SPAG16: variants seen among roughly 807,000 people sequenced by gnomAD.
SPAG16 encodes sperm-associated antigen 16 protein.
In SPAG16, 86 loss-of-function variants were observed where a neutral mutation model predicts 80.4. That is an observed-to-expected ratio of 1.07 (90% CI 0.90 to 1.28). SPAG16 has a LOEUF of 1.28. SPAG16 is among the 50% of genes most tolerant of loss of function. SPAG16 has a pLI of 0.00. For missense variants in SPAG16, 870 were observed against 765.3 expected (o/e 1.14, Z -1.61); for synonymous variants, 294 against 265.9 (o/e 1.11, Z -1.03).
At chr2:213,491,127 G>A (rs1333277625) in intron 10 of SPAG16, among the ~76,000 whole-genome samples, 1 of 152,094 alleles carries the variant, frequency 6.6e-6, no homozygotes, top group African/African-American at 2.4e-5. Context: ...AAAGCAGTAG[G>A]TGAATGAATT....
chr2:213,884,212 A>G (rs1000847737), intron 11 of SPAG16, among the ~76,000 whole-genome samples: 11 of 152,154 alleles, frequency 7.2e-5, no homozygotes, highest in African/African-American at 2.7e-4. Context: ...GTTGAAATGA[A>G]TCCCTCAGAG....
At chr2:213,340,343 G>C (rs2064618785) in intron 6 of SPAG16, 73 bp downstream of exon 6, 6 of 1,081,166 alleles carry the variant, frequency 5.5e-6, no homozygotes, top group Non-Finnish European at 5.4e-6. Context: ...TTATGACAAA[G>C]TTTTAGACAA....
intron 10 of SPAG16, among the ~76,000 whole-genome samples, chr2:213,498,791 A>G (rs924671715): frequency 3.9e-5 from 6 of 152,128 alleles, no homozygotes; most frequent in African/African-American, 1.4e-4. Context: ...TCTTTTTAAC[A>G]TCCTCTTTAC....
chr2:213,885,387 C>T (rs1165645114), intron 11 of SPAG16, among the ~76,000 whole-genome samples: 1 of 152,176 alleles, frequency 6.6e-6, no homozygotes, highest in Non-Finnish European at 1.5e-5. Context: ...AGTTCACCTC[C>T]TCACCAGGTC....
chr2:214,330,700 C>A (rs139383604), intron 15 of SPAG16, among the ~76,000 whole-genome samples: 2 of 152,286 alleles, frequency 1.3e-5, no homozygotes, highest in African/African-American at 4.8e-5. Context: ...AGGAAAGGGA[C>A]AAACTCTTGA....
chr2:214,311,681 A>C (rs1025056837), intron 15 of SPAG16: 22 of 152,212 alleles, frequency 1.4e-4, no homozygotes, highest in African/African-American at 5.3e-4. Flanking sequence ...CACTTTCCTC[A>C]GTTCCACTTG....
chr2:214,223,558 G>T (rs2058633345), intron 15 of SPAG16, among the ~76,000 whole-genome samples: 1 of 151,834 alleles, frequency 6.6e-6, no homozygotes, highest in Non-Finnish European at 1.5e-5. Flanking sequence ...TTAAGAGGTT[G>T]GTATTTAGTA....
intron 12 of SPAG16, among the ~76,000 whole-genome samples, chr2:213,951,715 A>G (rs891065469): frequency 1.3e-5 from 2 of 152,190 alleles, no homozygotes; most frequent in Non-Finnish European, 2.9e-5. Context: ...CATTGAGGAG[A>G]TAAATGGAGC....
intron 10 of SPAG16, among the ~76,000 whole-genome samples, chr2:213,501,375 T>A (rs932605592): frequency 6.6e-6 from 1 of 152,190 alleles, no homozygotes; most frequent in East Asian, 1.9e-4. Flanking sequence ...GATCTAGGAA[T>A]AGAAAGAATT....
At chr2:214,037,877 G>A (rs867925877) in intron 13 of SPAG16, among the ~76,000 whole-genome samples, 2,270 of 102,176 alleles carry the variant, frequency 0.022, 25 homozygotes, top group Non-Finnish European at 0.044. Context: ...GTGTGTGTGT[G>A]TGTGTGTGTG....
intron 15 of SPAG16, among the ~76,000 whole-genome samples, chr2:214,403,568 A>G (rs1701834637): frequency 6.6e-6 from 1 of 152,082 alleles, no homozygotes; most frequent in Admixed American, 6.6e-5. Context: ...CAATAGCTAC[A>G]TGTGTGTCAT....
intron 9 of SPAG16, among the ~76,000 whole-genome samples, chr2:213,426,245 T>A (rs2069904319): frequency 6.6e-6 from 1 of 152,144 alleles, no homozygotes; most frequent in Admixed American, 6.5e-5. Flanking sequence ...ATTTTAAATT[T>A]GTTTATGATA....
At chr2:213,285,516 A>G (rs189289348) in intron 1 of SPAG16, among the ~76,000 whole-genome samples, 67 of 152,352 alleles carry the variant, frequency 4.4e-4, no homozygotes, top group South Asian at 2.9e-3. Context: ...AAAATCTGCC[A>G]AATCTTATTT....
intron 10 of SPAG16, among the ~76,000 whole-genome samples, chr2:213,681,185 C>G (rs1025034031): frequency 7.2e-5 from 11 of 152,152 alleles, no homozygotes; most frequent in African/African-American, 2.7e-4. Flanking sequence ...ATTTTTCCCA[C>G]AGGATACTTT....
At chr2:214,034,074 C>T (rs1285705232) in intron 13 of SPAG16, among the ~76,000 whole-genome samples, 1 of 152,112 alleles carries the variant, frequency 6.6e-6, no homozygotes, top group East Asian at 1.9e-4. Context: ...AAAGTACAGG[C>T]CAGCTATTTA....
At chr2:213,665,205 T>G (rs1439223379) in intron 10 of SPAG16, among the ~76,000 whole-genome samples, 1 of 152,110 alleles carries the variant, frequency 6.6e-6, no homozygotes, top group Non-Finnish European at 1.5e-5. Context: ...TTAAATGAAA[T>G]TTGAGGAGCA....
intron 15 of SPAG16, among the ~76,000 whole-genome samples, chr2:214,221,023 C>T (rs538119527): frequency 4.5e-4 from 69 of 152,050 alleles, no homozygotes; most frequent in Non-Finnish European, 8.4e-4. Context: ...CTTTATTTTG[C>T]TTTTGATAAT....
chr2:213,510,040 T>C (rs1456760773), intron 10 of SPAG16, among the ~76,000 whole-genome samples: 1 of 151,914 alleles, frequency 6.6e-6, no homozygotes, highest in Non-Finnish European at 1.5e-5. Context: ...CATAAACACC[T>C]CTACACAAAT....
chr2:213,459,915 A>T (rs1320614011), intron 9 of SPAG16, among the ~76,000 whole-genome samples: 1 of 152,246 alleles, frequency 6.6e-6, no homozygotes, highest in African/African-American at 2.4e-5. Context: ...AAAAATATTT[A>T]TAAGTTTACA....
Sources: allele counts gnomAD v4.1 joint callset (sites outside exome capture counted in the v4.1 genomes callset), GRCh38; gene constraint gnomAD v4.1.1; transcripts MANE v1.5; gene names NCBI Gene and HGNC (gene_info 2026-07-23, HGNC 2026-07-21).